Variants in SGK3 observed in about 807,000 individuals in gnomAD.
The protein encoded by SGK3 is serine/threonine-protein kinase Sgk3.
In SGK3, 47 loss-of-function variants were observed where a neutral mutation model predicts 68.5. The ratio of observed to expected loss-of-function variants is 0.69; its 90% CI spans 0.54 to 0.87. The LOEUF (loss-of-function observed/expected upper bound fraction) is 0.87, where lower values mean the gene tolerates loss of function less well. SGK3 is among the 40% of genes least tolerant of loss of function. The pLI is 0.00. For missense variants in SGK3, 479 were observed against 575.5 expected (o/e 0.83, Z 1.72); for synonymous variants, 181 against 189.1 (o/e 0.96, Z 0.35).
chr8:66,763,791 C>T (rs904080373), intron 1 of SGK3, among the ~76,000 whole-genome samples: 2 of 151,974 alleles, frequency 1.3e-5, no homozygotes, highest in African/African-American at 4.8e-5. Context: ...TCTGTATCTC[C>T]TTTCTCCTAC....
At chr8:66,752,931 C>T (rs1231109258) in intron 1 of SGK3, among the ~76,000 whole-genome samples, 1 of 152,060 alleles carries the variant, frequency 6.6e-6, no homozygotes, top group Non-Finnish European at 1.5e-5. Context: ...TCACTATAAC[C>T]TCAAACTCCT....
intron 1 of SGK3, among the ~76,000 whole-genome samples, chr8:66,717,198 T>G (rs951786482): frequency 7.4e-6 from 1 of 135,424 alleles, no homozygotes; most frequent in Non-Finnish European, 1.5e-5. Context: ...AGAGTGAAAC[T>G]CTTTATCTGA....
intron 15 of SGK3, 102 bp downstream of exon 15, chr8:66,847,450 C>A: frequency 6.8e-7 from 1 of 1,469,738 alleles, no homozygotes; most frequent in Non-Finnish European, 9.1e-7. Context: ...ATACAATATG[C>A]GGAGAATAGC....
At position 66,736,432 on chromosome 8, in the gene SGK3, G is replaced by A. The variant is rs558856651; in HGVS notation, c.-122+23599G>A. Reference sequence around the variant, plus strand: ...CTGTTTTATTTTTGTAACAAAGTTGGTGCTCAATAAATGTCAGTAATTAAT... The same window carrying A: ...CTGTTTTATTTTTGTAACAAAGTTGATGCTCAATAAATGTCAGTAATTAAT... On this transcript the variant is annotated intron_variant, in intron 1 of 16. Coordinates refer to ENST00000521198, the MANE Select transcript of SGK3 (RefSeq NM_001033578.3). Among the ~76,000 whole-genome samples the A allele has an allele frequency of 7.9e-5, 12 of 152,036 alleles. No homozygotes were observed. In the South Asian group the frequency reaches 2.5e-3, roughly 32 times the overall value.
chr8:66,767,338 G>T lies in SGK3; in HGVS notation c.-121-26278G>T. On this transcript the variant is annotated intron_variant, in intron 1 of 16. Transcript: ENST00000521198. ...GATTTAAGTATATATCTTTTTTTCT[G>T]TTAAACAAATAATGCTTTATTAATA... 3.0e-6 allele frequency: 3 copies of T among 997,966 alleles called. No homozygotes were observed. The South Asian group carries it at 4.2e-5, about 14-fold the overall frequency. The allele number at this position is 997,966 out of a possible 1,614,324, so 61.8% of individuals were successfully genotyped here.
chr8:66,842,279 G>A (rs1322197969), intron 13 of SGK3, among the ~76,000 whole-genome samples: 1 of 146,172 alleles, frequency 6.8e-6, no homozygotes, highest in Non-Finnish European at 1.5e-5. Context: ...GGAGTGCAGT[G>A]GCGCAATCTC....
At chr8:66,773,642 G>T (rs988592155) in intron 1 of SGK3, among the ~76,000 whole-genome samples, 1 of 152,134 alleles carries the variant, frequency 6.6e-6, no homozygotes, top group African/African-American at 2.4e-5. Flanking sequence ...TAAAATAAGG[G>T]TTCCTTGAAC....
chr8:66,796,321 ATTTTTTTTTTTTTT>A (rs71249408), intron 2 of SGK3, among the ~76,000 whole-genome samples: 15 of 41,364 alleles, frequency 3.6e-4, no homozygotes, highest in Admixed American at 8.7e-4. Flanking sequence ...TATTTTTTGT[ATTTTTTTTTTTTTT>A]TTTTTTTTTT....
chr8:66,772,641 A>T (rs989273425), intron 1 of SGK3, among the ~76,000 whole-genome samples: 3 of 151,088 alleles, frequency 2.0e-5, no homozygotes, highest in Admixed American at 6.6e-5. Flanking sequence ...GCTCACTGCA[A>T]GCTCTGCCTC....
intron 10 of SGK3, among the ~76,000 whole-genome samples, chr8:66,839,498 G>GATATAT (rs58832541): frequency 1.8e-3 from 74 of 41,540 alleles, no homozygotes; most frequent in Non-Finnish European, 2.4e-3. Context: ...TATGTATGGA[G>GATATAT]ATATATATAT....
At chr8:66,768,681 C>T (rs1209305450) in intron 1 of SGK3, among the ~76,000 whole-genome samples, 5 of 152,214 alleles carry the variant, frequency 3.3e-5, no homozygotes, top group Non-Finnish European at 5.9e-5. Context: ...TCTCCTGCCT[C>T]AGCCTCCTGA....
Position 66,824,565 on chromosome 8 carries a change from G to T in SGK3, c.417+2106G>T, listed in dbSNP as rs184672152. Reference sequence around the variant, plus strand: ...TAATTTTATGCAACTCTTTTGGAAAGCAATTCAGCAGTACATATCAAATAT... The same window carrying T: ...TAATTTTATGCAACTCTTTTGGAAATCAATTCAGCAGTACATATCAAATAT... On this transcript the variant is annotated intron_variant, in intron 6 of 16. Transcript: ENST00000521198. 4.7e-3 allele frequency among the ~76,000 whole-genome samples: 708 copies of T among 152,164 alleles called. 4 individuals carry two copies. The highest frequency in any genetic ancestry group is 0.016 in the African/African-American group (679 of 41,528).
intron 1 of SGK3, among the ~76,000 whole-genome samples, chr8:66,753,503 A>T (rs149130860): frequency 1.6e-4 from 24 of 152,280 alleles, no homozygotes; most frequent in Middle Eastern, 3.4e-3. Flanking sequence ...TGTATTATAT[A>T]CTTTCCCAGC....
intron 10 of SGK3, among the ~76,000 whole-genome samples, chr8:66,839,020 A>G (rs892282853): frequency 3.9e-5 from 6 of 152,146 alleles, no homozygotes; most frequent in Admixed American, 1.3e-4. Flanking sequence ...CACATAGGAG[A>G]TATCAACATT....
At chr8:66,776,177 G>T (rs922286197) in intron 1 of SGK3, among the ~76,000 whole-genome samples, 2 of 152,128 alleles carry the variant, frequency 1.3e-5, no homozygotes, top group Non-Finnish European at 2.9e-5. Flanking sequence ...ACAAGAAAAG[G>T]TCTCTTACTT....
At position 66,805,940 on chromosome 8, in the gene SGK3, C is replaced by T. The variant is rs190655647; in HGVS notation, c.253+1493C>T. On this transcript the variant is annotated intron_variant, in intron 4 of 16. Coordinates refer to ENST00000521198, the MANE Select transcript of SGK3 (RefSeq NM_001033578.3). Reference sequence around the variant, plus strand: ...CTCTCCATCCTAACTTTATACCATTCGTTTTCCTCCCAGACCATATCACTG... The same window carrying T: ...CTCTCCATCCTAACTTTATACCATTTGTTTTCCTCCCAGACCATATCACTG... Among the ~76,000 whole-genome samples, 316 of 152,320 alleles carry T rather than the reference C, an allele frequency of 2.1e-3. 1 individual carries two copies. Among genetic ancestry groups the T allele is most frequent in the African/African-American group, 6.0e-3 (248 of 41,570 alleles).
rs573396169 is a variant in SGK3, at chr8:66,804,540, A to G, written c.253+93A>G. ...TCATTGCACTGTATAGCAGTGCAGG[A>G]CTTTAAAAGATCTTATGCTCTGTGA... On this transcript the variant is annotated intron_variant, in intron 4 of 16. Transcript: ENST00000521198. The G allele has an allele frequency of 2.6e-5, 33 of 1,270,796 alleles. No homozygotes were observed. In the African/African-American group the frequency reaches 4.3e-4, roughly 17 times the overall value. 78.7% of individuals were successfully genotyped at this position (1,270,796 alleles called of 1,614,324 possible). A position where few individuals can be genotyped will look rare whatever the true frequency, so the allele number is the denominator to read the frequency against.
At chr8:66,713,162 C>T (rs1443648801) in intron 1 of SGK3, among the ~76,000 whole-genome samples, 1 of 152,196 alleles carries the variant, frequency 6.6e-6, no homozygotes, top group Admixed American at 6.5e-5. Context: ...GTGCAGGTCA[C>T]CTGCGAGGGT....
At chr8:66,780,152 T>G (rs753997829) in intron 1 of SGK3, among the ~76,000 whole-genome samples, 6 of 152,228 alleles carry the variant, frequency 3.9e-5, no homozygotes, top group Non-Finnish European at 7.3e-5. Context: ...CCATAGCATA[T>G]TAGTACATAT....
Sources: gnomAD v4.1 joint callset for allele counts (sites outside exome capture counted in the v4.1 genomes callset) on GRCh38, gnomAD v4.1.1 for gene constraint, MANE v1.5 for transcripts, NCBI Gene and HGNC (gene_info 2026-07-23, HGNC 2026-07-21) for gene names.